CHST9: variants seen among roughly 807,000 people sequenced by gnomAD.
CHST9 encodes GalNAc-4-sulfotransferase 2.
CHST9 carries 41 observed loss-of-function variants against 44.4 expected under a neutral mutation model. The ratio of observed to expected loss-of-function variants is 0.92; its 90% CI spans 0.72 to 1.20. The LOEUF is 1.20. Ranked by LOEUF, CHST9 falls within the 50% of genes most tolerant of loss-of-function variation. The probability of loss-of-function intolerance (pLI) is 0.00; values close to 1 mark genes in which losing one functional copy is unlikely to be tolerated. For missense variants in CHST9, 504 were observed against 516.5 expected (o/e 0.98, Z 0.23); for synonymous variants, 171 against 178.4 (o/e 0.96, Z 0.33).
chr18:27,016,683 T>C (rs1228454485), intron 4 of CHST9, among the ~76,000 whole-genome samples: 4 of 152,222 alleles, frequency 2.6e-5, no homozygotes, highest in Non-Finnish European at 5.9e-5. Flanking sequence ...CTCTAGGTTG[T>C]GTTAGAACAT....
Position 27,053,894 on chromosome 18 carries a change from G to T in CHST9, c.122-5391C>A, listed in dbSNP as rs138227183. Among the ~76,000 whole-genome samples, 1,346 of 152,216 alleles carry T rather than the reference G, an allele frequency of 8.8e-3. 20 individuals carry two copies. The highest frequency in any genetic ancestry group is 0.029 in the African/African-American group (1,198 of 41,530). On this transcript the variant is annotated intron_variant, in intron 2 of 5. Transcript: ENST00000618847. ...AGTCCTCTGTGAAGTCTTTTCTTTT[G>T]TGCCAGCTCCCCAAACTCTCCATGC... is the stretch of plus-strand genomic sequence containing the variant.
chr18:27,053,064 T>G (rs570370900), intron 2 of CHST9, among the ~76,000 whole-genome samples: 5 of 142,118 alleles, frequency 3.5e-5, no homozygotes, highest in Non-Finnish European at 6.0e-5. Context: ...GTTCAGCACA[T>G]GTATCCCAGA....
intron 1 of CHST9, among the ~76,000 whole-genome samples, chr18:27,147,394 G>A (rs1307147636): frequency 5.3e-5 from 8 of 152,218 alleles, no homozygotes; most frequent in Non-Finnish European, 1.2e-4. Flanking sequence ...GGAAGGAGTG[G>A]TGGGGTTTTG....
intron 4 of CHST9, among the ~76,000 whole-genome samples, chr18:26,950,014 A>T (rs1373108124): frequency 2.0e-5 from 3 of 152,230 alleles, no homozygotes; most frequent in African/African-American, 7.2e-5. Context: ...GGTGAGGCCC[A>T]TCTGAACTCT....
At chr18:27,081,293 T>A (rs749920802) in intron 2 of CHST9, among the ~76,000 whole-genome samples, 2 of 152,036 alleles carry the variant, frequency 1.3e-5, no homozygotes, top group Non-Finnish European at 2.9e-5. Context: ...CAGTGAACAA[T>A]GATGGTACCA....
At chr18:26,983,672 T>A (rs571229499) in intron 4 of CHST9, among the ~76,000 whole-genome samples, 68 of 152,324 alleles carry the variant, frequency 4.5e-4, no homozygotes, top group African/African-American at 1.6e-3. Context: ...ATCTTCAGAA[T>A]TTCTGATTTA....
At chr18:27,017,941 A>C (rs1443655368) in intron 4 of CHST9, among the ~76,000 whole-genome samples, 3 of 152,230 alleles carry the variant, frequency 2.0e-5, no homozygotes, top group Non-Finnish European at 2.9e-5. Flanking sequence ...ATCAAGTATG[A>C]TGACAACATT....
intron 2 of CHST9, among the ~76,000 whole-genome samples, chr18:27,072,304 T>C (rs1308690116): frequency 6.6e-6 from 1 of 152,164 alleles, no homozygotes; most frequent in Non-Finnish European, 1.5e-5. Flanking sequence ...AAGCTTTCCT[T>C]CTGGCATAAT....
chr18:26,978,403 T>C (rs1355710039), intron 4 of CHST9, among the ~76,000 whole-genome samples: 1 of 152,172 alleles, frequency 6.6e-6, no homozygotes, highest in African/African-American at 2.4e-5. Flanking sequence ...ATTTATTAAG[T>C]TTATTAAGTA....
intron 4 of CHST9, among the ~76,000 whole-genome samples, chr18:26,975,725 GTATATATATATATA>G (rs59671204): frequency 0.028 from 2,801 of 101,828 alleles, 52 homozygotes; most frequent in East Asian, 0.038. Context: ...GTGTGTGTGT[GTATATATATATATA>G]TATATATATA....
chr18:27,148,561 T>C (rs2058633887), intron 1 of CHST9, among the ~76,000 whole-genome samples: 1 of 150,430 alleles, frequency 6.6e-6, no homozygotes, highest in South Asian at 2.2e-4. Flanking sequence ...TCCAGCTTCA[T>C]CCATGTCCCT....
chr18:27,082,050 C>T (rs1450254412), intron 2 of CHST9, among the ~76,000 whole-genome samples: 9 of 152,286 alleles, frequency 5.9e-5, no homozygotes, highest in Admixed American at 1.3e-4. Context: ...ACCTAAGATA[C>T]TAGAAATGTA....
intron 1 of CHST9, among the ~76,000 whole-genome samples, chr18:27,148,727 T>C (rs199676023): frequency 0.17 from 18,336 of 109,532 alleles, 1,918 homozygotes; most frequent in Middle Eastern, 0.27. Flanking sequence ...TACATGTGCA[T>C]GTGTCTTTAT....
intron 4 of CHST9, among the ~76,000 whole-genome samples, chr18:26,969,664 G>A (rs1390708135): frequency 6.6e-6 from 1 of 152,156 alleles, no homozygotes; most frequent in Non-Finnish European, 1.5e-5. Context: ...ATAAGCAAAT[G>A]TATACGGTCT....
In CHST9 at chr18:27,156,874, T is replaced by A. The variant is rs192556342; in HGVS notation, c.-96-13969A>T. 3.3e-5 allele frequency among the ~76,000 whole-genome samples: 5 copies of A among 152,216 alleles called. No individual in the cohort carries two copies. The East Asian group carries it at 9.6e-4, about 29-fold the overall frequency. On this transcript the variant is annotated intron_variant, in intron 1 of 5. Coordinates refer to ENST00000618847, the MANE Select transcript of CHST9 (RefSeq NM_031422.6). ...TGCAACAAATTATTGTGACAAATAA[T>A]TTATACAAAATGTTTGGCATTGCTC...
Position 26,948,432 on chromosome 18 carries a change from C to T in CHST9, c.203-4066G>A, listed in dbSNP as rs898900190. ...TACACAGATTTGCATTTTTAAAAGA[C>T]CACTCAACTCTGGTTGGCAACTGAA... On this transcript the variant is annotated intron_variant, in intron 4 of 5. Coordinates refer to ENST00000618847, the MANE Select transcript of CHST9 (RefSeq NM_031422.6). 3.2e-4 allele frequency among the ~76,000 whole-genome samples: 49 copies of T among 152,100 alleles called. 1 individual carries two copies. The highest frequency in any genetic ancestry group is 1.3e-4 in the Non-Finnish European group (9 of 68,018).
In CHST9 at chr18:26,915,152, C is replaced by T. The variant is rs2055495595; in HGVS notation, c.*1107G>A. ...AATATTTAAACTTAAAAAGAAAATA[C>T]CTTAATTTACTTATGCATAAGCCTA... is the stretch of plus-strand genomic sequence containing the variant. On this transcript the variant is annotated 3_prime_UTR_variant, in exon 6 of 6. Coordinates refer to ENST00000618847, the MANE Select transcript of CHST9 (RefSeq NM_031422.6). The T allele has an allele frequency of 2.5e-6, 1 of 392,424 alleles. No individual in the cohort carries two copies. Among genetic ancestry groups the T allele is most frequent in the Non-Finnish European group, 4.5e-6 (1 of 222,426 alleles). The allele number at this position is 392,424 out of a possible 1,614,324, so 24.3% of individuals were successfully genotyped here.
intron 2 of CHST9, among the ~76,000 whole-genome samples, chr18:27,072,291 T>C (rs1448138336): frequency 6.6e-6 from 1 of 152,228 alleles, no homozygotes; most frequent in African/African-American, 2.4e-5. Context: ...TAGAATATCC[T>C]TAAAGCTTTC....
intron 5 of CHST9, among the ~76,000 whole-genome samples, chr18:26,941,011 G>A (rs145744899): frequency 0.012 from 1,756 of 152,282 alleles, 23 homozygotes; most frequent in Non-Finnish European, 0.012. Flanking sequence ...AAAGAGCAAG[G>A]AAGGATCCTT....
Sources: gnomAD v4.1 joint callset for allele counts (sites outside exome capture counted in the v4.1 genomes callset) on GRCh38, gnomAD v4.1.1 for gene constraint, MANE v1.5 for transcripts, NCBI Gene and HGNC (gene_info 2026-07-23, HGNC 2026-07-21) for gene names.